The following LRRC8C variants were observed in gnomAD, a reference collection of about 807,000 sequenced individuals.
The protein encoded by LRRC8C is leucine rich repeat containing 8 VRAC subunit C, also known as volume-regulated anion channel subunit LRRC8C.
In LRRC8C, 20 loss-of-function variants were observed where a neutral mutation model predicts 55.3. The observed-to-expected ratio is 0.36, with a 90% CI of 0.25 to 0.53. The LOEUF is 0.53. Among genes scored for constraint, LRRC8C ranks in the 20% least tolerant of loss-of-function variants. LRRC8C has a pLI of 0.92. For synonymous variants in LRRC8C, 376 were observed against 360.7 expected (o/e 1.04, Z -0.48); for missense variants, 659 against 951.4 (o/e 0.69, Z 4.04).
At chr1:89,617,619 C>A in the LRRC8C span, among the ~76,000 whole-genome samples, 1 of 152,162 alleles carries the variant, frequency 6.6e-6, no homozygotes, top group South Asian at 2.1e-4. Context: ...GTTTCCACCT[C>A]AACTGAATTC....
At chr1:89,704,818 A>C (rs112786406) in intron 2 of LRRC8C, among the ~76,000 whole-genome samples, 1 of 152,194 alleles carries the variant, frequency 6.6e-6, no homozygotes, top group South Asian at 2.1e-4. Context: ...CTTTTATGCT[A>C]TTGGTGGGAC....
Position 89,655,348 on chromosome 1 carries a change from CCTG to C in LRRC8C, c.-5+22029_-5+22031del, listed in dbSNP as rs575916156. On this transcript the variant is annotated intron_variant, in intron 1 of 2. Coordinates refer to ENST00000370454, the MANE Select transcript of LRRC8C (RefSeq NM_032270.5). ...GTTGGGAAGTTTTTAAGTGTGAACT[CCTG>C]CTCTCTGCTTTACTTTCGGTTTTAG... 1.4e-3 allele frequency among the ~76,000 whole-genome samples: 213 copies of C among 152,144 alleles called. 2 individuals carry two copies. Among genetic ancestry groups the C allele is most frequent in the Middle Eastern group, 6.8e-3 (2 of 294 alleles).
At chr1:89,637,259 T>C (rs1284665069) in intron 1 of LRRC8C, among the ~76,000 whole-genome samples, 5 of 151,608 alleles carry the variant, frequency 3.3e-5, no homozygotes, top group African/African-American at 7.3e-5. Flanking sequence ...TTTAGATGGG[T>C]AATGGTTCAA....
chr1:89,685,232 C>T (rs1014403270), intron 1 of LRRC8C, among the ~76,000 whole-genome samples: 1 of 149,904 alleles, frequency 6.7e-6, no homozygotes, highest in African/African-American at 2.5e-5. Context: ...CATTCTCCTG[C>T]CTCAGCCTCC....
At position 89,709,621 on chromosome 1, in the gene LRRC8C, C is replaced by G. The variant is rs368619410; in HGVS notation, c.139-3088C>G. On this transcript the variant is annotated intron_variant, in intron 2 of 2. Coordinates refer to ENST00000370454, the MANE Select transcript of LRRC8C (RefSeq NM_032270.5). ...GGCAGGGGTACAGAAATGGGGCCCA[C>G]TTGGTTGCTTTGCAGGGACTTAGCA... Among the ~76,000 whole-genome samples, 13 of 152,274 alleles carry G rather than the reference C, an allele frequency of 8.5e-5. No homozygotes were observed. In the South Asian group the frequency reaches 2.3e-3, roughly 27 times the overall value.
intron 1 of LRRC8C, among the ~76,000 whole-genome samples, chr1:89,665,573 C>T (rs1477839419): frequency 6.6e-6 from 1 of 152,070 alleles, no homozygotes; most frequent in Non-Finnish European, 1.5e-5. Flanking sequence ...TTTTGCGCAG[C>T]TATAAAATGT....
intron 1 of LRRC8C, among the ~76,000 whole-genome samples, chr1:89,653,436 C>T (rs760609104): frequency 6.6e-6 from 1 of 152,196 alleles, no homozygotes; most frequent in African/African-American, 2.4e-5. Context: ...GAAAGCTTCA[C>T]TGTGCAGTCA....
At chr1:89,642,974 C>T (rs927460867) in intron 1 of LRRC8C, among the ~76,000 whole-genome samples, 8 of 147,028 alleles carry the variant, frequency 5.4e-5, no homozygotes, top group Non-Finnish European at 7.4e-5. Context: ...GCCGAGATCA[C>T]GCCACTGCAC....
chr1:89,714,282 G>T lies in LRRC8C; in HGVS notation c.1712G>T (p.Cys571Phe). The T allele has an allele frequency of 6.2e-7, 1 of 1,614,108 alleles. No individual in the cohort carries two copies. Among genetic ancestry groups the T allele is most frequent in the Non-Finnish European group, 8.5e-7 (1 of 1,180,022 alleles). The change falls in exon 3 of 3, where the codon TGC becomes TTC. Residue 571 changes from cysteine (C) to phenylalanine (F), a missense_variant. By Grantham distance (205) the Cys-to-Phe change is radical. Around this residue, in one of 5 missense-constraint regions of LRRC8C, gnomAD observed 344 missense variants for 464.6 expected, o/e 0.74. Coordinates refer to ENST00000370454, the MANE Select transcript of LRRC8C (RefSeq NM_032270.5). The surrounding 1 kb of genome is among the most constrained non-coding windows in gnomAD (Gnocchi z 4.6). ...GTTTCCAGCCATCTCCAGAAGATGT[G>T]CATACATAATGATGGCACCAAGCTG... ...VDVSSHLQKM[C>F]IHNDGTKLVM...
chr1:89,659,866 C>A (rs1649554627), intron 1 of LRRC8C, among the ~76,000 whole-genome samples: 1 of 152,160 alleles, frequency 6.6e-6, no homozygotes, highest in African/African-American at 2.4e-5. Flanking sequence ...CCAAAATGAG[C>A]AACCTGGTCT....
chr1:89,632,128 T>C (rs768886543), upstream of LRRC8C: 3 of 152,220 alleles, frequency 2.0e-5, no homozygotes, highest in Non-Finnish European at 2.9e-5. Flanking sequence ...CTTAGTAATC[T>C]TGTCGGTACA....
chr1:89,689,833 C>T (rs1369128143), intron 2 of LRRC8C, among the ~76,000 whole-genome samples: 4 of 151,856 alleles, frequency 2.6e-5, no homozygotes, highest in African/African-American at 4.8e-5. Context: ...CCCAGCTACT[C>T]GGGAGGCTGG....
intron 1 of LRRC8C, among the ~76,000 whole-genome samples, chr1:89,660,120 A>G (rs909224695): frequency 1.3e-5 from 2 of 152,142 alleles, no homozygotes; most frequent in African/African-American, 4.8e-5. Flanking sequence ...GACAGTCCTG[A>G]TGTGGTGATC....
At chr1:89,661,467 A>G (rs759694171) in intron 1 of LRRC8C, 1 of 200,100 alleles carries the variant, frequency 5.0e-6, no homozygotes, top group Non-Finnish European at 1.1e-5. Context: ...TGTTTGCTGA[A>G]GAGGCCTCCG....
chr1:89,670,732 C>CA (rs139800053), intron 1 of LRRC8C, among the ~76,000 whole-genome samples: 1 of 152,128 alleles, frequency 6.6e-6, no homozygotes, highest in Non-Finnish European at 1.5e-5. Context: ...AGGAATTTAT[C>CA]AAAAAAACTA....
At chr1:89,696,324 G>A (rs145857537) in intron 2 of LRRC8C, among the ~76,000 whole-genome samples, 115 of 152,312 alleles carry the variant, frequency 7.6e-4, no homozygotes, top group Non-Finnish European at 1.5e-3. Context: ...CTTTGCCTAA[G>A]CTCTGAAAAA....
chr1:89,624,543 G>A, the LRRC8C span, among the ~76,000 whole-genome samples: 1 of 152,182 alleles, frequency 6.6e-6, no homozygotes, highest in Admixed American at 6.5e-5. Context: ...TTACCAATGA[G>A]AATGGATACT....
At chr1:89,648,465 C>G (rs1656672777) in intron 1 of LRRC8C, among the ~76,000 whole-genome samples, 1 of 152,112 alleles carries the variant, frequency 6.6e-6, no homozygotes. Context: ...ACCATCTGAC[C>G]TATGAGACAA....
intron 2 of LRRC8C, among the ~76,000 whole-genome samples, chr1:89,705,390 T>C (rs933078623): frequency 6.6e-6 from 1 of 151,272 alleles, no homozygotes. Flanking sequence ...AACCTGCACA[T>C]TGTGCACATG....
Sources: gnomAD v4.1 joint callset for allele counts (sites outside exome capture counted in the v4.1 genomes callset) on GRCh38, gnomAD v4.1.1 for gene constraint, gnomAD v4.1.1 regional missense constraint, Gnocchi (gnomAD v3.1) non-coding constraint, MANE v1.5 for transcripts, NCBI Gene and HGNC (gene_info 2026-07-23, HGNC 2026-07-21) for gene names.